The following CALN1 variants were observed in gnomAD, a reference collection of about 807,000 sequenced individuals.
CALN1 encodes the protein calneuron 1, also known as calcium-binding protein 8.
A neutral mutation model predicts 30.6 loss-of-function variants in CALN1; 17 were observed. The ratio of observed to expected loss-of-function variants is 0.56; its 90% CI spans 0.38 to 0.83. The LOEUF is 0.83. Among genes scored for constraint, CALN1 ranks in the 40% least tolerant of loss-of-function variants. CALN1 has a pLI of 0.00. For synonymous variants in CALN1, 156 were observed against 131.4 expected, an observed-to-expected ratio of 1.19 and a Z score of -1.28; for missense variants, 291 against 354.9, an observed-to-expected ratio of 0.82 and a Z score of 1.45.
Position 72,023,773 on chromosome 7 carries a change from CA to C in CALN1, c.389-5del, listed in dbSNP as rs1230652785. On this transcript the variant is annotated splice_region_variant and splice_polypyrimidine_tract_variant and intron_variant, in intron 4 of 6. Transcript: ENST00000395275. The stretch of plus-strand genomic sequence containing the variant: ...TCAAAATCCACCTGGCCATCCCCTG[CA>C]AGGAGAAGATGTAAATATGAGTTGC... 3.7e-6 allele frequency: 6 copies of C among 1,611,486 alleles called. No homozygotes were observed. In the African/African-American group the frequency reaches 6.7e-5, roughly 18 times the overall value.
intron 5 of CALN1, among the ~76,000 whole-genome samples, chr7:72,017,243 G>A (rs1236816866): frequency 6.6e-6 from 1 of 150,778 alleles, no homozygotes; most frequent in East Asian, 2.0e-4. Flanking sequence ...CGAGACCACA[G>A]CAAGAACTGG....
intron 4 of CALN1, among the ~76,000 whole-genome samples, chr7:72,045,953 C>T (rs1802439073): frequency 7.1e-6 from 1 of 141,262 alleles, no homozygotes; most frequent in Admixed American, 7.5e-5. Context: ...GAGCTGAGAT[C>T]GTGCCATTGC....
At chr7:72,401,229 G>A (rs913337405) in intron 2 of CALN1, among the ~76,000 whole-genome samples, 1 of 152,158 alleles carries the variant, frequency 6.6e-6, no homozygotes, top group Admixed American at 6.5e-5. Context: ...AAGGGCAGGA[G>A]GCAATGCACT....
At chr7:72,267,188 G>A (rs1385719232) in intron 3 of CALN1, among the ~76,000 whole-genome samples, 2 of 152,182 alleles carry the variant, frequency 1.3e-5, no homozygotes, top group Non-Finnish European at 2.9e-5. Context: ...GGCAAGTTGA[G>A]TTTGCCTCTG....
At chr7:71,805,570 C>T (rs1197845347) in intron 6 of CALN1, among the ~76,000 whole-genome samples, 1 of 152,100 alleles carries the variant, frequency 6.6e-6, no homozygotes, top group Non-Finnish European at 1.5e-5. Flanking sequence ...TGCCCCGATA[C>T]ACCTTAGAAA....
At chr7:72,431,990 T>G (rs1807994418) in intron 1 of CALN1, among the ~76,000 whole-genome samples, 1 of 152,202 alleles carries the variant, frequency 6.6e-6, no homozygotes, top group Non-Finnish European at 1.5e-5. Flanking sequence ...ACTGTGAGAC[T>G]GTTCGGGACA....
At chr7:72,382,799 T>C (rs1355276921) in intron 2 of CALN1, among the ~76,000 whole-genome samples, 3 of 152,144 alleles carry the variant, frequency 2.0e-5, no homozygotes, top group Non-Finnish European at 4.4e-5. Context: ...CAGGATTTCA[T>C]TTTGTTTTTT....
chr7:72,160,899 G>C (rs551162124), intron 3 of CALN1, among the ~76,000 whole-genome samples: 29 of 152,272 alleles, frequency 1.9e-4, no homozygotes, highest in African/African-American at 6.7e-4. Context: ...CTTCCATACC[G>C]GATAGAAAGC....
At chr7:72,397,064 C>T (rs1305267729) in intron 2 of CALN1, among the ~76,000 whole-genome samples, 1 of 152,054 alleles carries the variant, frequency 6.6e-6, no homozygotes, top group African/African-American at 2.4e-5. Flanking sequence ...GCATCCACCA[C>T]CGTGCCTGGT....
At chr7:71,913,495 AGAAG>A (rs2117013584) in intron 5 of CALN1, among the ~76,000 whole-genome samples, 2 of 152,358 alleles carry the variant, frequency 1.3e-5, no homozygotes, top group Admixed American at 1.3e-4. Flanking sequence ...TGTATAAGAA[AGAAG>A]GATGTTGGTG....
chr7:71,844,045 T>G (rs1209691909), intron 5 of CALN1, among the ~76,000 whole-genome samples: 1 of 152,086 alleles, frequency 6.6e-6, no homozygotes, highest in Non-Finnish European at 1.5e-5. Flanking sequence ...TTTATAGAGA[T>G]GGACCCTGGA....
At chr7:72,347,329 C>A (rs775859097) in intron 2 of CALN1, among the ~76,000 whole-genome samples, 4 of 151,626 alleles carry the variant, frequency 2.6e-5, no homozygotes, top group Non-Finnish European at 4.4e-5. Flanking sequence ...CTCACTGCAG[C>A]GATCTCAGCT....
intron 5 of CALN1, among the ~76,000 whole-genome samples, chr7:71,937,430 A>G (rs1306649319): frequency 6.8e-6 from 1 of 147,930 alleles, no homozygotes; most frequent in African/African-American, 2.5e-5. Flanking sequence ...ATATGTATGT[A>G]TATGTATATA....
At chr7:72,137,160 AG>A (rs1325060658) in intron 3 of CALN1, among the ~76,000 whole-genome samples, 1 of 152,134 alleles carries the variant, frequency 6.6e-6, no homozygotes, top group Non-Finnish European at 1.5e-5. Flanking sequence ...AGTTTATTGC[AG>A]GGTTGGAGTG....
intron 6 of CALN1, among the ~76,000 whole-genome samples, chr7:71,801,970 T>C (rs958495813): frequency 1.3e-5 from 2 of 151,332 alleles, no homozygotes; most frequent in African/African-American, 4.9e-5. Context: ...AGAGCAAGAC[T>C]GTGTCCAAAA....
At chr7:72,237,742 A>G (rs1245181113) in intron 3 of CALN1, among the ~76,000 whole-genome samples, 1 of 152,154 alleles carries the variant, frequency 6.6e-6, no homozygotes, top group Non-Finnish European at 1.5e-5. Flanking sequence ...GACAGAGAGA[A>G]ACCCTTCCTT....
At chr7:71,858,307 C>A (rs1238547488) in intron 5 of CALN1, among the ~76,000 whole-genome samples, 1 of 152,128 alleles carries the variant, frequency 6.6e-6, no homozygotes, top group Non-Finnish European at 1.5e-5. Context: ...CCTCCCCAGC[C>A]ATGCTGAACT....
chr7:71,781,189 C>CTT lies in CALN1; in HGVS notation c.*6584_*6585dup, dbSNP rs1792694767. The CTT allele has an allele frequency of 1.3e-5, 2 of 152,204 alleles. No individual in the cohort carries two copies. Among genetic ancestry groups the CTT allele is most frequent in the African/African-American group, 4.8e-5 (2 of 41,460 alleles). The allele number at this position is 152,204 out of a possible 1,614,324, so 9.4% of individuals were successfully genotyped here. ...TAGATGGGAGGGCTTGTCTGGTTTA[C>CTT]TTTTCCTCTGGCTTTAGAGAAACCT... is the stretch of plus-strand genomic sequence containing the variant. On this transcript the variant is annotated 3_prime_UTR_variant, in exon 7 of 7. Coordinates refer to ENST00000395275, the MANE Select transcript of CALN1 (RefSeq NM_031468.4).
intron 4 of CALN1, among the ~76,000 whole-genome samples, chr7:72,087,810 A>C (rs572254050): frequency 6.6e-6 from 1 of 152,306 alleles, no homozygotes; most frequent in Admixed American, 6.5e-5. Context: ...TGTGGAGCAA[A>C]AGCAAAAAAC....
Sources: allele counts gnomAD v4.1 joint callset (sites outside exome capture counted in the v4.1 genomes callset), GRCh38; gene constraint gnomAD v4.1.1; transcripts MANE v1.5; gene names NCBI Gene and HGNC (gene_info 2026-07-23, HGNC 2026-07-21).